Variants in WDR64 observed in about 807,000 individuals in gnomAD.
The protein encoded by WDR64 is WD repeat domain 64, also known as WD repeat-containing protein 64.
In WDR64, 112 loss-of-function variants were observed where a neutral mutation model predicts 139.3. That is an observed-to-expected ratio of 0.80 (90% CI 0.69 to 0.94). The LOEUF (loss-of-function observed/expected upper bound fraction) is 0.94. Ranked by LOEUF, WDR64 falls within the 40% of genes least tolerant of loss-of-function variation. The pLI, the probability that WDR64 is intolerant of heterozygous loss-of-function variation, is 0.00. For missense variants in WDR64, 1,206 were observed against 1,293.1 expected (o/e 0.93, Z 1.03); for synonymous variants, 444 against 437.7 (o/e 1.01, Z -0.18).
intron 23 of WDR64, among the ~76,000 whole-genome samples, chr1:241,786,267 CTT>C (rs1460008794): frequency 6.6e-6 from 1 of 152,226 alleles, no homozygotes; most frequent in Admixed American, 6.5e-5. Context: ...GCTATTCAGA[CTT>C]TGCAGAATCT....
chr1:241,701,943 T>C (rs186442404), intron 8 of WDR64, among the ~76,000 whole-genome samples: 168 of 152,306 alleles, frequency 1.1e-3, no homozygotes, highest in Non-Finnish European at 2.2e-3. Flanking sequence ...AGCTGTTAAA[T>C]TGGGAGCCAA....
intron 21 of WDR64, 48 bp from the exon 22 acceptor site, chr1:241,779,956 G>A (rs956781931): frequency 2.1e-6 from 3 of 1,441,332 alleles, no homozygotes; most frequent in African/African-American, 2.9e-5. Flanking sequence ...TATTGATTTA[G>A]ATAACATGAT....
chr1:241,737,797 C>G (rs1287423357), intron 10 of WDR64, among the ~76,000 whole-genome samples: 1 of 152,126 alleles, frequency 6.6e-6, no homozygotes, highest in Non-Finnish European at 1.5e-5. Context: ...TATCTTTCCT[C>G]CCTCAAAGGA....
At chr1:241,671,050 T>C in intron 2 of WDR64, 24 bp from the exon 3 acceptor site, 1 of 1,472,494 alleles carries the variant, frequency 6.8e-7, no homozygotes, top group Non-Finnish European at 9.2e-7. Context: ...GCTGCATATT[T>C]ATATGTGCTG....
intron 15 of WDR64, among the ~76,000 whole-genome samples, chr1:241,762,774 C>CAA (rs71691250): frequency 1.7e-4 from 22 of 133,218 alleles, no homozygotes; most frequent in South Asian, 5.0e-4. Context: ...AGCTTCCTTG[C>CAA]AAAAAAAAAA....
rs548767575 is a variant in WDR64, at chr1:241,687,021, T to A, written c.840-440T>A. ...TTGATTATAAATAAACAGTTAAAAG[T>A]GGGCCAGGTGCAATGGCTCATGCCT... On this transcript the variant is annotated intron_variant, in intron 7 of 27. Transcript: ENST00000437684. Among the ~76,000 whole-genome samples the A allele has an allele frequency of 5.9e-5, 9 of 152,292 alleles. No homozygotes were observed. In the South Asian group the frequency reaches 1.7e-3, roughly 28 times the overall value.
intron 15 of WDR64, among the ~76,000 whole-genome samples, chr1:241,759,802 A>T (rs912295686): frequency 1.2e-4 from 18 of 152,202 alleles, no homozygotes; most frequent in Non-Finnish European, 2.1e-4. Flanking sequence ...TTGTTGCACA[A>T]CCTTCATCAC....
chr1:241,658,403 G>A (rs1665692578), intron 1 of WDR64, among the ~76,000 whole-genome samples: 1 of 152,022 alleles, frequency 6.6e-6, no homozygotes, highest in African/African-American at 2.4e-5. Context: ...TTGGGAGGCT[G>A]AAGTGGGAGG....
chr1:241,769,121 G>GT (rs1558516797), intron 16 of WDR64, among the ~76,000 whole-genome samples: 1 of 152,122 alleles, frequency 6.6e-6, no homozygotes, highest in Admixed American at 6.5e-5. Context: ...ATAAAATAGA[G>GT]TTTTTTCCAT....
At chr1:241,775,486 T>C (rs762933350) in intron 21 of WDR64, among the ~76,000 whole-genome samples, 3 of 152,212 alleles carry the variant, frequency 2.0e-5, no homozygotes, top group African/African-American at 4.8e-5. Context: ...TGTATCTTAC[T>C]TTTTTGGAAA....
intron 14 of WDR64, among the ~76,000 whole-genome samples, chr1:241,751,467 A>G (rs571310012): frequency 6.6e-6 from 1 of 152,262 alleles, no homozygotes; most frequent in Non-Finnish European, 1.5e-5. Flanking sequence ...AACAAAAACA[A>G]AAACAAAAAA....
At chr1:241,726,781 T>G (rs979101121) in intron 10 of WDR64, among the ~76,000 whole-genome samples, 1 of 152,194 alleles carries the variant, frequency 6.6e-6, no homozygotes, top group Non-Finnish European at 1.5e-5. Context: ...AATAGCAAGA[T>G]GTTTTAGTGA....
chr1:241,733,621 TATA>T (rs1489692732), intron 10 of WDR64, among the ~76,000 whole-genome samples: 4 of 150,002 alleles, frequency 2.7e-5, no homozygotes, highest in Non-Finnish European at 5.9e-5. Flanking sequence ...ATGCACATAT[TATA>T]TGAATATAAT....
intron 11 of WDR64, among the ~76,000 whole-genome samples, chr1:241,739,494 T>G (rs1669452647): frequency 6.6e-6 from 1 of 152,222 alleles, no homozygotes; most frequent in Non-Finnish European, 1.5e-5. Context: ...GATAAAGAAC[T>G]TTCCACATTA....
intron 1 of WDR64, 85 bp from the exon 2 acceptor site, chr1:241,660,445 A>T: frequency 6.9e-7 from 1 of 1,450,248 alleles, no homozygotes; most frequent in African/African-American, 1.4e-5. Context: ...AGAAAATACA[A>T]GGTGAGGAAA....
At chr1:241,731,643 T>C (rs1669086739) in intron 10 of WDR64, among the ~76,000 whole-genome samples, 1 of 152,162 alleles carries the variant, frequency 6.6e-6, no homozygotes, top group African/African-American at 2.4e-5. Flanking sequence ...AGTTAAGTGG[T>C]AGGTGGGGAG....
At position 241,679,551 on chromosome 1, in the gene WDR64, A is replaced by C; in HGVS notation, c.580A>C (p.Arg194=). 1 of 1,551,912 alleles carries C rather than the reference A, an allele frequency of 6.4e-7. No individual in the cohort carries two copies. The highest frequency in any genetic ancestry group is 8.7e-7 in the Non-Finnish European group (1 of 1,146,952). ...GAAACGAATCGTAGCCACAACCGAAAGGACCATTATTGTCTGGGATTATAA... is the reference window on the plus strand; with the variant it reads ...GAAACGAATCGTAGCCACAACCGAACGGACCATTATTGTCTGGGATTATAA... ...QLKRIVATTE[R]TIIVWDYKAQ... The change falls in exon 6 of 28, where the codon AGG becomes CGG. Residue 194 remains arginine, a synonymous_variant. Coordinates refer to ENST00000437684, the MANE Select transcript of WDR64 (RefSeq NM_001367482.1).
chr1:241,718,060 G>A (rs10926545), intron 9 of WDR64, among the ~76,000 whole-genome samples: 25,412 of 152,128 alleles, frequency 0.17, 2,491 homozygotes, highest in African/African-American at 0.26. Flanking sequence ...TAGTTAAGGG[G>A]TAGAGCCAGG....
intron 4 of WDR64, among the ~76,000 whole-genome samples, chr1:241,675,592 A>G (rs1666520136): frequency 6.6e-6 from 1 of 152,220 alleles, no homozygotes; most frequent in African/African-American, 2.4e-5. Flanking sequence ...CAAGTGATTA[A>G]TAAAAGGTCC....
Sources: gnomAD v4.1 joint callset for allele counts (sites outside exome capture counted in the v4.1 genomes callset) on GRCh38, gnomAD v4.1.1 for gene constraint, MANE v1.5 for transcripts, NCBI Gene and HGNC (gene_info 2026-07-23, HGNC 2026-07-21) for gene names.